Variants in ZAP70 observed in about 807,000 individuals in gnomAD.
The protein encoded by ZAP70 is tyrosine-protein kinase ZAP-70.
ZAP70 carries 27 observed loss-of-function variants against 65.8 expected under a neutral mutation model. The ratio of observed to expected loss-of-function variants is 0.41; its 90% CI spans 0.30 to 0.57. The LOEUF is 0.57. Among genes scored for constraint, ZAP70 ranks in the 20% least tolerant of loss-of-function variants. ZAP70 has a pLI of 0.28. For synonymous variants in ZAP70, 363 were observed against 360.8 expected (o/e 1.01, Z -0.07); for missense variants, 696 against 870.5 (o/e 0.80, Z 2.52).
At chr2:97,719,431 T>C (rs751719286) in intron 2 of ZAP70, among the ~76,000 whole-genome samples, 26 of 151,254 alleles carry the variant, frequency 1.7e-4, no homozygotes, top group Non-Finnish European at 3.2e-4. Flanking sequence ...TCTGTGGGGC[T>C]CAAGCAGGAG....
chr2:97,752,924 A>C, the ZAP70 span, among the ~76,000 whole-genome samples: 422 of 152,348 alleles, frequency 2.8e-3, 8 homozygotes, highest in East Asian at 0.035. Context: ...AACAAGTAAA[A>C]TTAGGACAAG....
At chr2:97,751,654 C>T in the ZAP70 span, among the ~76,000 whole-genome samples, 2 of 152,138 alleles carry the variant, frequency 1.3e-5, no homozygotes, top group Admixed American at 6.5e-5. Flanking sequence ...TAAAGGAACA[C>T]CTGAGGCTGA....
the ZAP70 span, among the ~76,000 whole-genome samples, chr2:97,750,423 A>G: frequency 2.6e-5 from 4 of 152,216 alleles, no homozygotes; most frequent in Admixed American, 2.6e-4. Context: ...AGGCTGGCTC[A>G]AGAGTGTCTA....
downstream of ZAP70, among the ~76,000 whole-genome samples, chr2:97,743,673 CTCTT>C (rs1378939181): frequency 6.6e-6 from 1 of 152,188 alleles, no homozygotes; most frequent in Non-Finnish European, 1.5e-5. Flanking sequence ...CCTTCTTTAT[CTCTT>C]TGAGTTTTTA....
chr2:97,748,419 C>T, the ZAP70 span, among the ~76,000 whole-genome samples: 31 of 152,122 alleles, frequency 2.0e-4, no homozygotes, highest in Middle Eastern at 3.4e-3. Flanking sequence ...TCTGTAATTT[C>T]GTATTGGTCT....
rs202216858 is a variant in ZAP70 at position 97,724,057 on chromosome 2, C to G, written c.21C>G (p.His7Gln). The G allele has an allele frequency of 9.6e-6, 15 of 1,556,264 alleles. No homozygotes were observed. Among genetic ancestry groups the G allele is most frequent in the Non-Finnish European group, 1.1e-5 (13 of 1,156,554 alleles). The part of the protein sequence containing the change: MPDPAA[H>Q]LPFFYGSISR... ...GGGCGATGCCAGACCCCGCGGCGCA[C>G]CTGCCCTTCTTCTACGGCAGCATCT... Residue 7 changes from histidine to glutamine, a missense_variant, in exon 3 of 14, where the codon CAC (histidine) becomes CAG (glutamine). His to Gln is a conservative substitution (Grantham distance 24, BLOSUM62 0). This residue lies in a region of ZAP70 where 551 missense variants were observed against 630.0 expected (regional missense o/e 0.87). Coordinates refer to ENST00000264972, the MANE Select transcript of ZAP70 (RefSeq NM_001079.4).
Position 97,724,346 on chromosome 2 carries a change from C to A in ZAP70, c.310C>A (p.Arg104=), listed in dbSNP as rs751420623. 8.3e-6 allele frequency: 13 copies of A among 1,558,130 alleles called. No homozygotes were observed. In the South Asian group the frequency reaches 1.4e-4, roughly 17 times the overall value. The change falls in exon 3 of 14, where the codon CGG becomes AGG. Residue 104 remains arginine (R), a synonymous_variant. Coordinates refer to ENST00000264972, the MANE Select transcript of ZAP70 (RefSeq NM_001079.4). ...LPCNLRKPCN[R]PSGLEPQPGV... is the part of the protein sequence containing the mutation. ...CTGCAACCTGCGCAAGCCGTGCAAC[C>A]GGCCGTCGGGCCTCGAGCCGCAGCC...
At chr2:97,720,196 C>A (rs1677105486) in intron 2 of ZAP70, among the ~76,000 whole-genome samples, 1 of 152,000 alleles carries the variant, frequency 6.6e-6, no homozygotes, top group South Asian at 2.1e-4. Context: ...AGAGTGAATA[C>A]CTAGGAGCCT....
At chr2:97,745,720 G>C in the ZAP70 span, among the ~76,000 whole-genome samples, 1 of 152,242 alleles carries the variant, frequency 6.6e-6, no homozygotes, top group South Asian at 2.1e-4. Flanking sequence ...GGGGATGTGA[G>C]ATGGTGCAGC....
At chr2:97,743,925 G>A (rs1224148319), downstream of ZAP70, among the ~76,000 whole-genome samples, 1 of 152,150 alleles carries the variant, frequency 6.6e-6, no homozygotes, top group East Asian at 1.9e-4. Flanking sequence ...TAGGTGGTGG[G>A]GGGCTTCAAC....
At position 97,736,725 on chromosome 2, in the gene ZAP70, G is replaced by A. The variant is rs1048392121; in HGVS notation, c.1290-748G>A. 9.2e-5 allele frequency among the ~76,000 whole-genome samples: 14 copies of A among 152,204 alleles called. No homozygotes were observed. Among genetic ancestry groups the A allele is most frequent in the African/African-American group, 3.4e-4 (14 of 41,450 alleles). The stretch of plus-strand genomic sequence containing the variant: ...GTGGGGAAGGGCATTCCAGGCAAAG[G>A]GCACCGCCTGTGCAGAGGCCCTGAG... On this transcript the variant is annotated intron_variant, in intron 10 of 13. Coordinates refer to ENST00000264972, the MANE Select transcript of ZAP70 (RefSeq NM_001079.4). This position sits in a 1 kb window ranked among gnomAD's most constrained non-coding sequence, Gnocchi z 4.0.
At chr2:97,740,726 A>G (rs1393919951), downstream of ZAP70, among the ~76,000 whole-genome samples, 1 of 152,180 alleles carries the variant, frequency 6.6e-6, no homozygotes, top group East Asian at 1.9e-4. Context: ...AGCTGGGGTC[A>G]ATCCCGCCCT....
chr2:97,714,232 G>A (rs55954999), intron 2 of ZAP70, among the ~76,000 whole-genome samples: 6 of 152,126 alleles, frequency 3.9e-5, no homozygotes, highest in Non-Finnish European at 7.4e-5. Flanking sequence ...CAGGGGACAC[G>A]GTGAGGCCTG....
rs932940255 is a variant in ZAP70 at position 97,737,358 on chromosome 2, G to A, written c.1290-115G>A. The A allele has an allele frequency of 6.7e-5, 77 of 1,141,166 alleles. 1 individual carries two copies. The highest frequency in any genetic ancestry group is 3.3e-4 in the South Asian group (25 of 76,420). 70.7% of individuals were successfully genotyped at this position (1,141,166 alleles called of 1,614,324 possible). On this transcript the variant is annotated intron_variant, in intron 10 of 13. Transcript: ENST00000264972. The surrounding 1 kb of genome is among the most constrained non-coding windows in gnomAD (Gnocchi z 5.0). ...GGCACACAGCAGGTGCTCAATAAGC[G>A]TTTTTGAACACATGGTCACCTGGCT...
intron 2 of ZAP70, among the ~76,000 whole-genome samples, chr2:97,723,756 T>A (rs569550149): frequency 4.6e-5 from 7 of 152,342 alleles, no homozygotes; most frequent in Admixed American, 4.6e-4. Flanking sequence ...GTGTGGGTGC[T>A]TGGGGACCAG....
intron 4 of ZAP70, among the ~76,000 whole-genome samples, chr2:97,727,062 A>G (rs1430992816): frequency 1.3e-5 from 2 of 152,242 alleles, no homozygotes; most frequent in Non-Finnish European, 1.5e-5. Flanking sequence ...CAGTGCAGCC[A>G]TCATCCAGCA....
chr2:97,721,422 C>CT (rs908505007), intron 2 of ZAP70, among the ~76,000 whole-genome samples: 5 of 150,992 alleles, frequency 3.3e-5, no homozygotes, highest in Non-Finnish European at 5.9e-5. Flanking sequence ...TTTTCATGTT[C>CT]TTTTTTTTTG....
At position 97,731,054 on chromosome 2, in the gene ZAP70, C is replaced by CAAA. The variant is rs56688476; in HGVS notation, c.564-1810_564-1808dup. Reference sequence around the variant, plus strand: ...CGGGCTGTGGAGCGAGACTCGGTCTCAAAAAAAAAAAAAAAAAAAAAGAGA... The same window carrying CAAA: ...CGGGCTGTGGAGCGAGACTCGGTCTCAAAAAAAAAAAAAAAAAAAAAAAAGAGA... On this transcript the variant is annotated intron_variant, in intron 4 of 13. Transcript: ENST00000264972. This position sits in a 1 kb window ranked among gnomAD's most constrained non-coding sequence, Gnocchi z 4.0. Among the ~76,000 whole-genome samples, 3 of 52,402 alleles carry CAAA rather than the reference C, an allele frequency of 5.7e-5. No individual in the cohort carries two copies. The highest frequency in any genetic ancestry group is 2.0e-4 in the Admixed American group (1 of 4,892). 34.4% of individuals were successfully genotyped at this position (52,402 alleles called of 152,430 possible). A position where few individuals can be genotyped will look rare whatever the true frequency, so the allele number is the denominator to read the frequency against.
chr2:97,749,260 C>A, the ZAP70 span, among the ~76,000 whole-genome samples: 23 of 152,282 alleles, frequency 1.5e-4, no homozygotes, highest in South Asian at 4.4e-3. Context: ...CCGCCTGCCT[C>A]GGCCTCCCAA....
Sources: gnomAD v4.1 joint callset for allele counts (sites outside exome capture counted in the v4.1 genomes callset) on GRCh38, gnomAD v4.1.1 for gene constraint, gnomAD v4.1.1 regional missense constraint, Gnocchi (gnomAD v3.1) non-coding constraint, MANE v1.5 for transcripts, NCBI Gene and HGNC (gene_info 2026-07-23, HGNC 2026-07-21) for gene names.